Variants in BNC2 observed in about 807,000 individuals in gnomAD.
BNC2 encodes basonuclin zinc finger protein 2, also known as zinc finger protein basonuclin-2.
In BNC2, 20 loss-of-function variants were observed where a neutral mutation model predicts 76.3. The observed-to-expected ratio is 0.26, with a 90% CI of 0.18 to 0.38. The LOEUF (loss-of-function observed/expected upper bound fraction) is 0.38. Among genes scored for constraint, BNC2 ranks in the 10% least tolerant of loss-of-function variants. The probability of loss-of-function intolerance (pLI) is 1.00; values close to 1 mark genes in which losing one functional copy is unlikely to be tolerated. For missense variants in BNC2, 1,382 were observed against 1,399.8 expected (o/e 0.99, Z 0.20); for synonymous variants, 582 against 514.8 (o/e 1.13, Z -1.77).
Position 16,789,314 on chromosome 9 carries a change from T to A in BNC2, c.4-50829A>T, listed in dbSNP as rs530602788. On this transcript the variant is annotated intron_variant, in intron 1 of 6. Coordinates refer to ENST00000380672, the MANE Select transcript of BNC2 (RefSeq NM_017637.6). ...ATTGTCACGGTGGCCATGGCACTTATATCAAACACACCAAACAATACAATA... is the reference window on the plus strand; with the variant it reads ...ATTGTCACGGTGGCCATGGCACTTAAATCAAACACACCAAACAATACAATA... 2.0e-5 allele frequency among the ~76,000 whole-genome samples: 3 copies of A among 152,156 alleles called. No homozygotes were observed. The East Asian group carries it at 5.8e-4, about 29-fold the overall frequency.
intron 5 of BNC2, among the ~76,000 whole-genome samples, chr9:16,470,051 G>A (rs1364507354): frequency 6.9e-6 from 1 of 144,456 alleles, no homozygotes; most frequent in Non-Finnish European, 1.5e-5. Flanking sequence ...AGGCTGGAGT[G>A]CAGTGGCATG....
chr9:16,680,238 C>G (rs1392906624), intron 3 of BNC2, among the ~76,000 whole-genome samples: 2 of 150,774 alleles, frequency 1.3e-5, no homozygotes, highest in Non-Finnish European at 3.0e-5. Context: ...TTGTTGTTAG[C>G]TTTGTCGTTT....
At chr9:16,657,815 A>G (rs1251864423) in intron 3 of BNC2, among the ~76,000 whole-genome samples, 1 of 152,224 alleles carries the variant, frequency 6.6e-6, no homozygotes, top group Non-Finnish European at 1.5e-5. Context: ...AATATTATAT[A>G]TCATACTATG....
intron 5 of BNC2, among the ~76,000 whole-genome samples, chr9:16,515,915 C>A (rs1822866703): frequency 6.8e-6 from 1 of 147,158 alleles, no homozygotes. Context: ...AAGATAATGG[C>A]AGTTTGAGAG....
chr9:16,661,210 G>C (rs917078857), intron 3 of BNC2, among the ~76,000 whole-genome samples: 1 of 152,112 alleles, frequency 6.6e-6, no homozygotes, highest in African/African-American at 2.4e-5. Flanking sequence ...ATCATCAGAA[G>C]AACAGATGTA....
At chr9:16,512,730 C>A (rs10118463) in intron 5 of BNC2, among the ~76,000 whole-genome samples, 16,826 of 152,082 alleles carry the variant, frequency 0.11, 1,232 homozygotes, top group East Asian at 0.29. Flanking sequence ...ATAAAAGTAT[C>A]ATTTTTCATC....
At chr9:16,785,821 A>AG (rs397726960) in intron 1 of BNC2, among the ~76,000 whole-genome samples, 9 of 151,438 alleles carry the variant, frequency 5.9e-5, no homozygotes, top group African/African-American at 2.2e-4. Context: ...AAAAAAAAAA[A>AG]GTATGCAAAA....
chr9:16,756,833 C>T (rs915873345), intron 1 of BNC2, among the ~76,000 whole-genome samples: 8 of 151,746 alleles, frequency 5.3e-5, no homozygotes, highest in Admixed American at 1.3e-4. Context: ...ACTAAAAATA[C>T]AAAAAAAATT....
At chr9:16,854,865 C>G (rs1456598158) in intron 1 of BNC2, among the ~76,000 whole-genome samples, 1 of 151,828 alleles carries the variant, frequency 6.6e-6, no homozygotes, top group Non-Finnish European at 1.5e-5. Flanking sequence ...CAAGCACAGC[C>G]CAGGAAAGGA....
intron 4 of BNC2, among the ~76,000 whole-genome samples, chr9:16,570,397 T>A (rs1381157013): frequency 1.3e-5 from 2 of 152,216 alleles, no homozygotes; most frequent in Admixed American, 1.3e-4. Flanking sequence ...ATAATCAATC[T>A]GTTTTCCCCA....
At chr9:16,460,491 T>C (rs1020513357) in intron 5 of BNC2, among the ~76,000 whole-genome samples, 1 of 151,912 alleles carries the variant, frequency 6.6e-6, no homozygotes, top group Non-Finnish European at 1.5e-5. Context: ...GGTGTGATGG[T>C]GCAAGCCTGT....
At chr9:16,652,839 A>C (rs1821830194) in intron 3 of BNC2, among the ~76,000 whole-genome samples, 1 of 152,170 alleles carries the variant, frequency 6.6e-6, no homozygotes, top group African/African-American at 2.4e-5. Context: ...ACTCAGCTTC[A>C]GCAAAGAGTA....
chr9:16,667,074 TACACATACACAC>T (rs1391245866), intron 3 of BNC2, among the ~76,000 whole-genome samples: 3 of 144,766 alleles, frequency 2.1e-5, no homozygotes, highest in African/African-American at 8.2e-5. Context: ...ATCACTCAGA[TACACATACACAC>T]ACACACACAC....
intron 3 of BNC2, 72 bp downstream of exon 3, chr9:16,727,725 A>G: frequency 1.5e-6 from 2 of 1,323,614 alleles, no homozygotes; most frequent in Non-Finnish European, 2.1e-6. Flanking sequence ...AACACCAGAA[A>G]CAAAAGTGCC....
intron 1 of BNC2, among the ~76,000 whole-genome samples, chr9:16,853,184 C>T (rs1049915106): frequency 6.6e-6 from 1 of 151,772 alleles, no homozygotes; most frequent in Non-Finnish European, 1.5e-5. Context: ...TTGGGAGGCC[C>T]AGGCAGGCGG....
chr9:16,477,560 T>G (rs557202138), intron 5 of BNC2, among the ~76,000 whole-genome samples: 1 of 152,356 alleles, frequency 6.6e-6, no homozygotes, highest in South Asian at 2.1e-4. Context: ...CTTTAAATTT[T>G]TAGCTATTTC....
intron 1 of BNC2, among the ~76,000 whole-genome samples, chr9:16,833,944 G>A (rs1423950792): frequency 1.3e-5 from 2 of 152,060 alleles, no homozygotes; most frequent in African/African-American, 4.8e-5. Flanking sequence ...TCCCAAGCAA[G>A]CTCTCTCTAA....
chr9:16,457,486 C>G (rs1198626294), intron 5 of BNC2, among the ~76,000 whole-genome samples: 1 of 152,250 alleles, frequency 6.6e-6, no homozygotes, highest in East Asian at 1.9e-4. Flanking sequence ...CAGGGGAAAC[C>G]AAGTGCACGC....
intron 5 of BNC2, among the ~76,000 whole-genome samples, chr9:16,480,772 G>A (rs970942772): frequency 1.2e-4 from 19 of 152,188 alleles, no homozygotes; most frequent in African/African-American, 3.6e-4. Context: ...CCTGCAGTCC[G>A]CCATGCCTGA....
Sources: gnomAD v4.1 joint callset for allele counts (sites outside exome capture counted in the v4.1 genomes callset) on GRCh38, gnomAD v4.1.1 for gene constraint, MANE v1.5 for transcripts, NCBI Gene and HGNC (gene_info 2026-07-23, HGNC 2026-07-21) for gene names.